Variants in MGAM observed in about 807,000 individuals in gnomAD.
MGAM encodes alpha-1,4-glucosidase.
In MGAM, 253 loss-of-function variants were observed where a neutral mutation model predicts 358.8. The observed-to-expected ratio is 0.71, with a 90% CI of 0.64 to 0.78. MGAM has a LOEUF of 0.78. MGAM is among the 30% of genes least tolerant of loss of function. MGAM has a pLI of 0.00. For missense variants in MGAM, 3,080 were observed against 3,432.6 expected, an observed-to-expected ratio of 0.90 and a Z score of 2.57; for synonymous variants, 1,105 against 1,227.1, an observed-to-expected ratio of 0.90 and a Z score of 2.08.
chr7:142,096,464 G>C (rs1383360311), intron 65 of MGAM, 49 bp downstream of exon 65: 1 of 1,595,990 alleles, frequency 6.3e-7, no homozygotes, highest in Non-Finnish European at 8.6e-7. Flanking sequence ...TGTGAGGCTT[G>C]GGGAAAAGGA....
At position 142,067,353 on chromosome 7, in the gene MGAM, C is replaced by T. The variant is rs138893014; in HGVS notation, c.4932C>T (p.Asp1644=). The T allele has an allele frequency of 9.3e-3, 14,387 of 1,538,850 alleles. 2,313 individuals are homozygous for T. In the East Asian group the frequency reaches 0.17, roughly 19 times the overall value. Residue 1644 remains aspartate (D), a synonymous_variant, in exon 42 of 71, where the codon GAC becomes GAT. Transcript: ENST00000475668. The part of the protein sequence containing the change: ...VRPLLHEFVS[D]QVTWDIDSQF... ...TTTCCCTTTCCAGGTTTGTGTCAGA[C>T]CAGGTGACATGGGACATAGACAGTC...
intron 55 of MGAM, 120 bp downstream of exon 55, chr7:142,086,081 G>T (rs1308306735): frequency 6.8e-7 from 1 of 1,463,948 alleles, no homozygotes; most frequent in African/African-American, 1.4e-5. Context: ...TAAGAAATGT[G>T]TATTTCCCTG....
rs1563144245 is a variant in MGAM at position 142,041,901 on chromosome 7, TATATTA to T, written c.2498+1056_2498+1061del. On this transcript the variant is annotated intron_variant, in intron 21 of 70. Transcript: ENST00000475668. ...ATATATACGTATAATATATAATATATATATTATATATATACGTATAATATATAATAT... is the reference window on the plus strand; with the variant it reads ...ATATATACGTATAATATATAATATATTATATATACGTATAATATATAATAT... Among the ~76,000 whole-genome samples the T allele has an allele frequency of 1.4e-3, 60 of 41,400 alleles. 1 individual carries two copies. The East Asian group carries it at 0.015, about 10-fold the overall frequency. 27.2% of individuals were successfully genotyped at this position (41,400 alleles called of 152,430 possible).
At chr7:142,033,740 A>G (rs1034907888) in intron 14 of MGAM, among the ~76,000 whole-genome samples, 2 of 152,170 alleles carry the variant, frequency 1.3e-5, no homozygotes, top group South Asian at 4.1e-4. Flanking sequence ...CTAGAAATAG[A>G]TACATAGGAG....
chr7:142,035,453 A>G (rs553010677), intron 16 of MGAM, among the ~76,000 whole-genome samples: 1 of 152,318 alleles, frequency 6.6e-6, no homozygotes, highest in African/African-American at 2.4e-5. Context: ...GGAGATCCCG[A>G]GAAAGGGATT....
chr7:142,030,473 C>A lies in MGAM; in HGVS notation c.1333C>A (p.Gln445Lys), dbSNP rs782674701. The change falls in exon 11 of 71, where the codon CAG (glutamine) becomes AAG (lysine). Residue 445 changes from glutamine to lysine, a missense_variant. Physicochemically the swap from Gln to Lys is moderately conservative, Grantham distance 53 (BLOSUM62 1). Around this residue, in one of 5 missense-constraint regions of MGAM, gnomAD observed 1,816 missense variants for 1,840.5 expected, o/e 0.99. Coordinates refer to ENST00000475668, the MANE Select transcript of MGAM (RefSeq NM_001365693.1). ...TGTCAACGAGTTACACAATAATGGA[C>A]AGAAGCTTGTCATCATTGTGGTATG... ...EFVNELHNNG[Q>K]KLVIIVDPAI... 1 of 1,613,672 alleles carries A rather than the reference C, an allele frequency of 6.2e-7. No homozygotes were observed. Among genetic ancestry groups the A allele is most frequent in the South Asian group, 1.1e-5 (1 of 91,076 alleles).
rs542878829 is a variant in MGAM, at chr7:142,040,965, G to C, written c.2498+119G>C. 12 of 1,195,454 alleles carry C rather than the reference G, an allele frequency of 1.0e-5. No homozygotes were observed. In the South Asian group the frequency reaches 1.7e-4, roughly 17 times the overall value. The allele number at this position is 1,195,454 out of a possible 1,614,324, so 74.1% of individuals were successfully genotyped here. Reference sequence around the variant, plus strand: ...CCTCTTTGGTTTGGCCACGACTGTTGCAGTTTTAGCACCAAAAGTCTCTTC... The same window carrying C: ...CCTCTTTGGTTTGGCCACGACTGTTCCAGTTTTAGCACCAAAAGTCTCTTC... On this transcript the variant is annotated intron_variant, in intron 21 of 70. Coordinates refer to ENST00000475668, the MANE Select transcript of MGAM (RefSeq NM_001365693.1).
chr7:142,013,502 T>C (rs1180278138), intron 3 of MGAM, among the ~76,000 whole-genome samples: 1 of 152,164 alleles, frequency 6.6e-6, no homozygotes, highest in Non-Finnish European at 1.5e-5. Context: ...AATGCCCTAA[T>C]GGTTTATGCA....
At chr7:142,028,822 G>T (rs12540186) in intron 10 of MGAM, among the ~76,000 whole-genome samples, 29,181 of 150,878 alleles carry the variant, frequency 0.19, 2,988 homozygotes, top group Admixed American at 0.27. Flanking sequence ...TTGGGTGGAT[G>T]AATTCACTCT....
chr7:142,018,680 A>G (rs1554457132), intron 3 of MGAM, among the ~76,000 whole-genome samples: 1 of 152,204 alleles, frequency 6.6e-6, no homozygotes, highest in Non-Finnish European at 1.5e-5. Context: ...AAGAAAGACT[A>G]CTTTCTGCCT....
At chr7:142,093,320 A>G (rs1815572846) in intron 59 of MGAM, 92 bp from the exon 60 acceptor site, 2 of 1,400,276 alleles carry the variant, frequency 1.4e-6, no homozygotes, top group South Asian at 2.5e-5. Flanking sequence ...GACTGAAGTT[A>G]GTCTTAAGAT....
intron 21 of MGAM, 34 bp downstream of exon 21, chr7:142,040,880 A>C (rs1808462361): frequency 3.8e-6 from 6 of 1,577,876 alleles, no homozygotes; most frequent in East Asian, 2.3e-5. Flanking sequence ...TTCAGAATTC[A>C]TGTCCTTGCT....
At chr7:142,003,959 T>G (rs1349014893) in intron 1 of MGAM, among the ~76,000 whole-genome samples, 1 of 151,982 alleles carries the variant, frequency 6.6e-6, no homozygotes, top group Non-Finnish European at 1.5e-5. Context: ...TCACTAATCA[T>G]CAGAGAAATG....
intron 34 of MGAM, among the ~76,000 whole-genome samples, chr7:142,061,564 C>T (rs1812202893): frequency 6.6e-6 from 1 of 152,060 alleles, no homozygotes; most frequent in African/African-American, 2.4e-5. Flanking sequence ...TCCTACCTGC[C>T]CTTTATCTGT....
At position 142,074,470 on chromosome 7, in the gene MGAM, T is replaced by A. The variant is rs965158161; in HGVS notation, c.5275+297T>A. ...GAAGGTTTCAAGACTGTTCCCTAAT[T>A]CTATGTTAATGTCTTCCTCCGAAAA... is the stretch of plus-strand genomic sequence containing the variant. On this transcript the variant is annotated intron_variant, in intron 45 of 70. Coordinates refer to ENST00000475668, the MANE Select transcript of MGAM (RefSeq NM_001365693.1). 8.2e-5 allele frequency among the ~76,000 whole-genome samples: 12 copies of A among 146,324 alleles called. 2 individuals carry two copies. Among genetic ancestry groups the A allele is most frequent in the Admixed American group, 7.6e-4 (11 of 14,530 alleles).
At chr7:142,098,996 G>A (rs1234878208) in intron 66 of MGAM, among the ~76,000 whole-genome samples, 1 of 152,208 alleles carries the variant, frequency 6.6e-6, no homozygotes, top group East Asian at 1.9e-4. Flanking sequence ...GTTGTTAGCT[G>A]ATTTGCAAAT....
intron 53 of MGAM, 45 bp from the exon 54 acceptor site, chr7:142,084,474 T>C: frequency 1.3e-6 from 2 of 1,530,376 alleles, no homozygotes; most frequent in South Asian, 2.3e-5. Context: ...AACTTCAATC[T>C]GGTGTCTCTG....
rs375844991 is a variant in MGAM at position 142,000,464 on chromosome 7, C to A, written c.-3+4534C>A. On this transcript the variant is annotated intron_variant, in intron 1 of 70. Transcript: ENST00000475668. The stretch of plus-strand genomic sequence containing the variant: ...CCTAGTCTTGGAAGTTAGATGCCAT[C>A]CCTTCTCCACATCCTATCTGTTGAA... Among the ~76,000 whole-genome samples the A allele has an allele frequency of 5.9e-5, 9 of 152,226 alleles. No individual in the cohort carries two copies. In the East Asian group the frequency reaches 1.5e-3, roughly 26 times the overall value.
In MGAM at chr7:142,046,220, G is replaced by C. The variant is rs867306602; in HGVS notation, c.2499-1565G>C. 2.7e-5 allele frequency among the ~76,000 whole-genome samples: 4 copies of C among 148,454 alleles called. No homozygotes were observed. The South Asian group carries it at 6.3e-4, about 23-fold the overall frequency. ...GATTTTGTCTTTCTTCTTTAATACT[G>C]TTAGTATTTCAAGAACAGTTGTATA... On this transcript the variant is annotated intron_variant, in intron 21 of 70. Coordinates refer to ENST00000475668, the MANE Select transcript of MGAM (RefSeq NM_001365693.1).
Sources: gnomAD v4.1 joint callset for allele counts (sites outside exome capture counted in the v4.1 genomes callset) on GRCh38, gnomAD v4.1.1 for gene constraint, gnomAD v4.1.1 regional missense constraint, MANE v1.5 for transcripts, NCBI Gene and HGNC (gene_info 2026-07-23, HGNC 2026-07-21) for gene names.